The following VTCN1 variants were observed in gnomAD, a reference collection of about 807,000 sequenced individuals.
VTCN1 encodes the protein V-set domain containing T cell activation inhibitor 1.
In VTCN1, 26 loss-of-function variants were observed where a neutral mutation model predicts 26.5. The observed-to-expected ratio is 0.98, with a 90% CI of 0.72 to 1.36. VTCN1 has a LOEUF of 1.36. Among genes scored for constraint, VTCN1 ranks in the 40% most tolerant of loss-of-function variants. The pLI is 0.00. For missense variants in VTCN1, 298 were observed against 337.7 expected (o/e 0.88, Z 0.92); for synonymous variants, 116 against 130.7 (o/e 0.89, Z 0.77).
At position 117,143,690 on chromosome 1, in the gene VTCN1, G is replaced by T. The variant is rs1215457883; in HGVS notation, c.*1581C>A. On this transcript the variant is annotated 3_prime_UTR_variant, in exon 6 of 6. Coordinates refer to ENST00000369458, the MANE Select transcript of VTCN1 (RefSeq NM_024626.4). ...ACAGTCACCGTGGCTCCAAGGTCCA[G>T]GAAGGCAGTGGTTAACACATGAAGA... is the stretch of plus-strand genomic sequence containing the variant. The T allele has an allele frequency of 2.0e-5, 3 of 152,184 alleles. No homozygotes were observed. The highest frequency in any genetic ancestry group is 6.5e-5 in the Admixed American group (1 of 15,278). The allele number at this position is 152,184 out of a possible 1,614,324, so 9.4% of individuals were successfully genotyped here. A position where few individuals can be genotyped will look rare whatever the true frequency, so the allele number is the denominator to read the frequency against.
Position 117,144,205 on chromosome 1 carries a change from C to T in VTCN1, c.*1066G>A, listed in dbSNP as rs6428679. Reference sequence around the variant, plus strand: ...TCTACTCAAAACCAGGGTTTCTTAGCCCTGACACAGTTGACACTTCGGATT... The same window carrying T: ...TCTACTCAAAACCAGGGTTTCTTAGTCCTGACACAGTTGACACTTCGGATT... On this transcript the variant is annotated 3_prime_UTR_variant, in exon 6 of 6. Coordinates refer to ENST00000369458, the MANE Select transcript of VTCN1 (RefSeq NM_024626.4). The T allele has an allele frequency of 0.76, 115,687 of 152,142 alleles. 44,160 individuals carry two copies. Among genetic ancestry groups the T allele is most frequent in the East Asian group, 0.87 (4,524 of 5,174 alleles). The allele number at this position is 152,142 out of a possible 1,614,324, so 9.4% of individuals were successfully genotyped here. A position where few individuals can be genotyped will look rare whatever the true frequency, so the allele number is the denominator to read the frequency against.
chr1:117,180,584 A>G (rs543873246), intron 1 of VTCN1, among the ~76,000 whole-genome samples: 2 of 152,370 alleles, frequency 1.3e-5, no homozygotes, highest in South Asian at 4.1e-4. Flanking sequence ...TGAGTATCCC[A>G]TAAGCAGTCT....
chr1:117,146,417 C>T lies in VTCN1; in HGVS notation c.*46-1192G>A, dbSNP rs1651512661. 6.6e-6 allele frequency among the ~76,000 whole-genome samples: 1 copy of T among 152,308 alleles called. No homozygotes were observed. The highest frequency in any genetic ancestry group is 6.5e-5 in the Admixed American group (1 of 15,298). ...AAAGAAGCAGATCAACAGATCTTTACCTGCCTCTGAGGACTTAGCAATGTA... is the reference window on the plus strand; with the variant it reads ...AAAGAAGCAGATCAACAGATCTTTATCTGCCTCTGAGGACTTAGCAATGTA... On this transcript the variant is annotated intron_variant, in intron 5 of 5. Transcript: ENST00000369458. The surrounding 1 kb of genome is among the most constrained non-coding windows in gnomAD (Gnocchi z 4.2).
At chr1:117,153,022 G>A in intron 4 of VTCN1, 69 bp downstream of exon 4, 12 of 1,529,612 alleles carry the variant, frequency 7.8e-6, no homozygotes, top group Non-Finnish European at 1.1e-5. Flanking sequence ...ATCTATTAAT[G>A]AAGTTAAATT....
intron 1 of VTCN1, among the ~76,000 whole-genome samples, chr1:117,178,588 GTTTTTTTTTTTT>G (rs10657719): frequency 1.1e-5 from 1 of 88,274 alleles, no homozygotes; most frequent in African/African-American, 4.9e-5. Flanking sequence ...TCTTTCTTTC[GTTTTTTTTTTTT>G]TTTTTTTTTT....
intron 1 of VTCN1, among the ~76,000 whole-genome samples, chr1:117,193,390 G>A (rs1421239425): frequency 2.0e-5 from 3 of 152,142 alleles, no homozygotes; most frequent in Non-Finnish European, 4.4e-5. Context: ...CAGAATGAAA[G>A]TGAAGAAATG....
chr1:117,205,748 G>T (rs540392117), intron 1 of VTCN1, among the ~76,000 whole-genome samples: 61 of 152,332 alleles, frequency 4.0e-4, no homozygotes, highest in African/African-American at 1.4e-3. Context: ...GTAACATGTT[G>T]GTTCCTGCCA....
intron 1 of VTCN1, among the ~76,000 whole-genome samples, chr1:117,194,884 A>C (rs1461247752): frequency 6.6e-6 from 1 of 152,186 alleles, no homozygotes; most frequent in Non-Finnish European, 1.5e-5. Context: ...GAAAATGGAG[A>C]GGTGTTAGTC....
In VTCN1 at chr1:117,200,933, T is replaced by C. The variant is rs1648754294; in HGVS notation, c.32+9891A>G. On this transcript the variant is annotated intron_variant, in intron 1 of 5. Coordinates refer to ENST00000369458, the MANE Select transcript of VTCN1 (RefSeq NM_024626.4). ...TACTACGCCAGGCTAATTTTTTTGG[T>C]TTGTTTTTTGTTTGGTGGGGTGCAG... is the stretch of plus-strand genomic sequence containing the variant. 2.0e-5 allele frequency among the ~76,000 whole-genome samples: 3 copies of C among 152,126 alleles called. No individual in the cohort carries two copies. In the South Asian group the frequency reaches 6.2e-4, roughly 32 times the overall value.
In VTCN1 at chr1:117,153,091, C is replaced by T. The variant is rs575253055; in HGVS notation, c.724G>A (p.Glu242Lys). 1 of 1,603,678 alleles carries T rather than the reference C, an allele frequency of 6.2e-7. No homozygotes were observed. Among genetic ancestry groups the T allele is most frequent in the Non-Finnish European group, 8.5e-7 (1 of 1,172,700 alleles). The change falls in exon 4 of 6, where the codon GAA (glutamate) becomes AAA (lysine). Residue 242 changes from glutamate to lysine, a missense_variant and splice_region_variant. Coordinates refer to ENST00000369458, the MANE Select transcript of VTCN1 (RefSeq NM_024626.4). The stretch of plus-strand genomic sequence containing the variant: ...CATACAAAAGCATGCAGGAACCCAC[C>T]TGTCACTTTGATATCCCCTGTTGCT... ...AKATGDIKVT[E>K]SEIKRRSHLQ...
Position 117,146,149 on chromosome 1 carries a change from T to C in VTCN1, c.*46-924A>G, listed in dbSNP as rs1361716601. ...AGGTAAAGATGAGTCAGCTATGTTA[T>C]ATAGGACATATTATTTAGTTGCAGG... On this transcript the variant is annotated intron_variant, in intron 5 of 5. Coordinates refer to ENST00000369458, the MANE Select transcript of VTCN1 (RefSeq NM_024626.4). The surrounding 1 kb of genome is among the most constrained non-coding windows in gnomAD (Gnocchi z 4.2). Among the ~76,000 whole-genome samples the C allele has an allele frequency of 1.3e-5, 2 of 152,208 alleles. No individual in the cohort carries two copies. The highest frequency in any genetic ancestry group is 2.9e-5 in the Non-Finnish European group (2 of 68,038).
chr1:117,171,600 G>A (rs1223125446), intron 1 of VTCN1, among the ~76,000 whole-genome samples: 2 of 152,070 alleles, frequency 1.3e-5, no homozygotes, highest in African/African-American at 4.8e-5. Context: ...ATGACACCCG[G>A]GAAACTAAAT....
At position 117,147,427 on chromosome 1, in the gene VTCN1, A is replaced by G. The variant is rs183842383; in HGVS notation, c.*45+186T>C. On this transcript the variant is annotated intron_variant, in intron 5 of 5. Coordinates refer to ENST00000369458, the MANE Select transcript of VTCN1 (RefSeq NM_024626.4). The surrounding 1 kb of genome is among the most constrained non-coding windows in gnomAD (Gnocchi z 4.6). ...TGTTATTTTTCCTATGGGTCTGTCA[A>G]TGAAGTCTATGCTGTTTGCTGACCT... Among the ~76,000 whole-genome samples, 180 of 152,320 alleles carry G rather than the reference A, an allele frequency of 1.2e-3. 1 individual carries two copies. The highest frequency in any genetic ancestry group is 4.1e-3 in the African/African-American group (171 of 41,570).
In VTCN1 at chr1:117,153,394, G is replaced by A. The variant is rs1352785592; in HGVS notation, c.446-25C>T. 1.9e-6 allele frequency: 3 copies of A among 1,585,366 alleles called. No individual in the cohort carries two copies. In the East Asian group the frequency reaches 6.8e-5, roughly 36 times the overall value. ...GCTGCAGGGTCAAAAGTCAGAAAGG[G>A]CAGATGCCAAAGTCAGACACGTAAG... On this transcript the variant is annotated intron_variant, in intron 3 of 5. Transcript: ENST00000369458.
chr1:117,151,081 G>C (rs1430801820), intron 4 of VTCN1, among the ~76,000 whole-genome samples: 1 of 152,068 alleles, frequency 6.6e-6, no homozygotes, highest in Non-Finnish European at 1.5e-5. Flanking sequence ...TGTGACCATG[G>C]GTGTTCAAAT....
At chr1:117,178,058 C>T (rs1408642524) in intron 1 of VTCN1, among the ~76,000 whole-genome samples, 1 of 150,892 alleles carries the variant, frequency 6.6e-6, no homozygotes, top group African/African-American at 2.4e-5. Flanking sequence ...TCCACCACAC[C>T]TCCCCCAAGT....
chr1:117,182,830 C>G (rs1647737747), intron 1 of VTCN1, among the ~76,000 whole-genome samples: 1 of 152,158 alleles, frequency 6.6e-6, no homozygotes, highest in Non-Finnish European at 1.5e-5. Context: ...CAACATTCCC[C>G]TGGTAGAGAC....
chr1:117,149,129 T>TGCCC (rs1651662387), intron 4 of VTCN1, among the ~76,000 whole-genome samples: 1 of 152,044 alleles, frequency 6.6e-6, no homozygotes, highest in Non-Finnish European at 1.5e-5. Flanking sequence ...TAAAAGGAAA[T>TGCCC]ATATGGAGTA....
rs1652676591 is a variant in VTCN1 at position 117,167,407 on chromosome 1, G to A, written c.97+2700C>T. Among the ~76,000 whole-genome samples the A allele has an allele frequency of 6.6e-6, 1 of 152,120 alleles. No homozygotes were observed. ...AGAACCATTATTCTACCTTTGACCA[G>A]CAGAGATCCATTTGCCTGTTTTTGA... On this transcript the variant is annotated intron_variant, in intron 2 of 5. Transcript: ENST00000369458. This position sits in a 1 kb window ranked among gnomAD's most constrained non-coding sequence, Gnocchi z 4.1.
Sources: allele counts gnomAD v4.1 joint callset (sites outside exome capture counted in the v4.1 genomes callset), GRCh38; gene constraint gnomAD v4.1.1; non-coding constraint Gnocchi (gnomAD v3.1); transcripts MANE v1.5; gene names NCBI Gene and HGNC (gene_info 2026-07-23, HGNC 2026-07-21).